Variants in ANO7 observed in about 807,000 individuals in gnomAD.
ANO7 encodes anoctamin 7.
ANO7 carries 114 observed loss-of-function variants against 115.8 expected under a neutral mutation model. That is an observed-to-expected ratio of 0.98 (90% CI 0.85 to 1.15). ANO7 has a LOEUF of 1.15. Ranked by LOEUF, ANO7 falls within the 50% of genes most tolerant of loss-of-function variation. ANO7 has a pLI of 0.00. For missense variants in ANO7, 1,302 were observed against 1,201.2 expected, an observed-to-expected ratio of 1.08 and a Z score of -1.24; for synonymous variants, 550 against 498.2, an observed-to-expected ratio of 1.10 and a Z score of -1.38.
At chr2:241,229,116 C>T (rs2069416737), downstream of ANO7, 1 of 165,438 alleles carries the variant, frequency 6.0e-6, no homozygotes, top group Non-Finnish European at 1.3e-5. Context: ...CTGAGGCGCT[C>T]TGGCAGCTGG....
chr2:241,212,551 A>G lies in ANO7; in HGVS notation c.1674-21A>G, dbSNP rs906950841. On this transcript the variant is annotated intron_variant, in intron 16 of 24. Coordinates refer to ENST00000674324, the MANE Select transcript of ANO7 (RefSeq NM_001370694.2). ...GACAGGAAGGATCCCATCAAGGCTCATGATCTTGACTTTCTCCTAGGTTTG... is the reference window on the plus strand; with the variant it reads ...GACAGGAAGGATCCCATCAAGGCTCGTGATCTTGACTTTCTCCTAGGTTTG... 4 of 1,610,832 alleles carry G rather than the reference A, an allele frequency of 2.5e-6. No individual in the cohort carries two copies. In the African/African-American group the frequency reaches 5.3e-5, roughly 22 times the overall value.
At chr2:241,231,128 T>C in the ANO7 span, 17 of 575,988 alleles carry the variant, frequency 3.0e-5, no homozygotes, top group Non-Finnish European at 1.5e-5. Context: ...CTCACGCCTG[T>C]AATCCCAGCA....
chr2:241,223,549 G>A, intron 22 of ANO7, 113 bp from the exon 23 acceptor site: 1 of 1,500,256 alleles, frequency 6.7e-7, no homozygotes, highest in South Asian at 1.2e-5. Context: ...CTGCACAGCT[G>A]CTTTCTGACT....
intron 11 of ANO7, among the ~76,000 whole-genome samples, 179 bp from the exon 12 acceptor site, chr2:241,209,106 G>T (rs181725526): frequency 2.0e-5 from 3 of 152,186 alleles, no homozygotes; most frequent in Admixed American, 2.0e-4. Flanking sequence ...CCGAGATCGC[G>T]CCACTGCACT....
intron 15 of ANO7, 58 bp downstream of exon 15, chr2:241,210,628 C>A (rs1427143194): frequency 2.1e-6 from 3 of 1,437,590 alleles, no homozygotes; most frequent in Non-Finnish European, 2.9e-6. Context: ...CGGCCGCCAG[C>A]CAGAACGTGA....
Position 241,209,347 on chromosome 2 carries a change from C to T in ANO7, c.1140C>T (p.Ala380=), listed in dbSNP as rs947924760. 8.1e-5 allele frequency: 128 copies of T among 1,577,832 alleles called. No individual in the cohort carries two copies. The highest frequency in any genetic ancestry group is 1.0e-4 in the Non-Finnish European group (118 of 1,162,386). Residue 380 remains alanine, a synonymous_variant, in exon 12 of 25, where the codon GCC becomes GCT. Transcript: ENST00000674324. The part of the protein sequence containing the change: ...VFFSLFMALW[A]VLLLEYWKRK... ...TCAGCTTGTTCATGGCACTGTGGGC[C>T]GTGCTGCTGCTGGAGTACTGGAAGC...
the ANO7 span, among the ~76,000 whole-genome samples, chr2:241,235,831 G>C: frequency 6.6e-6 from 1 of 152,176 alleles, no homozygotes; most frequent in Non-Finnish European, 1.5e-5. Context: ...CTACCCTCCT[G>C]AATTACAGCA....
chr2:241,230,019 C>T, downstream of ANO7: 2 of 1,574,548 alleles, frequency 1.3e-6, no homozygotes, highest in Middle Eastern at 2.0e-4. This position sits in a 1 kb window ranked among gnomAD's most constrained non-coding sequence, Gnocchi z 5.0. Context: ...AGCATCCCGC[C>T]CGCCTGCTCA....
Position 241,198,799 on chromosome 2 carries a change from A to G in ANO7, c.310-517A>G, listed in dbSNP as rs1290976846. ...TCAACCCACCCCGGGCTCCAGGAGC[A>G]CCTGTCACATGTTGGCACACATGTG... is the stretch of plus-strand genomic sequence containing the variant. On this transcript the variant is annotated intron_variant, in intron 4 of 24. Transcript: ENST00000674324. Among the ~76,000 whole-genome samples, 8 of 152,348 alleles carry G rather than the reference A, an allele frequency of 5.3e-5. No homozygotes were observed. In the South Asian group the frequency reaches 1.7e-3, roughly 32 times the overall value.
chr2:241,211,634 G>A (rs2068722442), intron 15 of ANO7, among the ~76,000 whole-genome samples: 1 of 152,188 alleles, frequency 6.6e-6, no homozygotes, highest in African/African-American at 2.4e-5. Context: ...AGAGGTTCCT[G>A]GTTCTGGATG....
At chr2:241,237,711 G>A in the ANO7 span, among the ~76,000 whole-genome samples, 2 of 139,658 alleles carry the variant, frequency 1.4e-5, no homozygotes, top group African/African-American at 5.2e-5. Context: ...GTCTAAAAAT[G>A]ACATTCAGAA....
At chr2:241,197,084 C>T (rs773200379) in intron 4 of ANO7, among the ~76,000 whole-genome samples, 2 of 152,112 alleles carry the variant, frequency 1.3e-5, no homozygotes, top group Admixed American at 6.6e-5. Context: ...GGTGGCTCAC[C>T]GTGGTTTGTG....
At chr2:241,237,022 G>A in the ANO7 span, among the ~76,000 whole-genome samples, 7 of 150,790 alleles carry the variant, frequency 4.6e-5, no homozygotes, top group East Asian at 1.9e-4. Flanking sequence ...CCGGGAGGCC[G>A]TGAGCTCTGT....
chr2:241,240,136 TC>T, the ANO7 span: 4 of 1,612,602 alleles, frequency 2.5e-6, no homozygotes, highest in Non-Finnish European at 3.4e-6. This position sits in a 1 kb window ranked among gnomAD's most constrained non-coding sequence, Gnocchi z 5.5. Context: ...CAGAAACCAA[TC>T]CCACTGTGTT....
downstream of ANO7, chr2:241,229,875 A>G (rs1227598057): frequency 1.9e-6 from 3 of 1,542,982 alleles, no homozygotes; most frequent in Non-Finnish European, 2.6e-6. Flanking sequence ...CCCGCACCAC[A>G]AAGCCTCTGG....
At chr2:241,236,832 G>C in the ANO7 span, 235 of 1,552,306 alleles carry the variant, frequency 1.5e-4, no homozygotes, top group Admixed American at 3.4e-4. Context: ...ACCTTGTTCA[G>C]AATGCATATG....
chr2:241,235,331 A>G, the ANO7 span: 1 of 1,596,710 alleles, frequency 6.3e-7, no homozygotes, highest in South Asian at 1.1e-5. Context: ...TGGGACCCAG[A>G]AGTGGTGAGA....
At chr2:241,237,306 C>A in the ANO7 span, among the ~76,000 whole-genome samples, 1 of 152,100 alleles carries the variant, frequency 6.6e-6, no homozygotes, top group African/African-American at 2.4e-5. Context: ...AAGCGAGAGC[C>A]CCAGAAGTGA....
chr2:241,230,800 C>T, downstream of ANO7: 2 of 1,614,242 alleles, frequency 1.2e-6, no homozygotes, highest in Non-Finnish European at 1.7e-6. The surrounding 1 kb of genome is among the most constrained non-coding windows in gnomAD (Gnocchi z 5.0). Context: ...TTGCCGCGGG[C>T]ACCAATGATG....
Sources: allele counts gnomAD v4.1 joint callset (sites outside exome capture counted in the v4.1 genomes callset), GRCh38; gene constraint gnomAD v4.1.1; non-coding constraint Gnocchi (gnomAD v3.1); transcripts MANE v1.5; gene names NCBI Gene and HGNC (gene_info 2026-07-23, HGNC 2026-07-21).